The following SETMAR variants were observed in gnomAD, a reference collection of about 807,000 sequenced individuals.
SETMAR encodes the protein SET and mariner transposase domain methyltransferase, also known as histone-lysine N-methyltransferase SETMAR.
SETMAR carries 44 observed loss-of-function variants against 58.4 expected under a neutral mutation model. That is an observed-to-expected ratio of 0.75 (90% CI 0.59 to 0.97). The LOEUF (loss-of-function observed/expected upper bound fraction) is 0.97. Among genes scored for constraint, SETMAR ranks in the 50% least tolerant of loss-of-function variants. The pLI is 0.00. For missense variants in SETMAR, 903 were observed against 840.2 expected (o/e 1.07, Z -0.92); for synonymous variants, 332 against 307.4 (o/e 1.08, Z -0.84).
chr3:4,306,471 T>C (rs1005646479), intron 1 of SETMAR, among the ~76,000 whole-genome samples: 3 of 152,162 alleles, frequency 2.0e-5, no homozygotes, highest in African/African-American at 7.2e-5. Flanking sequence ...TGGGCATAAA[T>C]GAAAATTGGG....
At chr3:4,313,926 T>A in intron 2 of SETMAR, 165 bp downstream of exon 2, 1 of 1,256,540 alleles carries the variant, frequency 8.0e-7, no homozygotes, top group Non-Finnish European at 1.1e-6. Flanking sequence ...ATTCTCCATT[T>A]AACAAAAGTA....
At position 4,313,540 on chromosome 3, in the gene SETMAR, C is replaced by T. The variant is rs1433937746; in HGVS notation, c.799C>T (p.Leu267Phe). 15 of 1,613,880 alleles carry T rather than the reference C, an allele frequency of 9.3e-6. No individual in the cohort carries two copies. The highest frequency in any genetic ancestry group is 1.3e-5 in the Non-Finnish European group (15 of 1,179,960). Residue 267 changes from leucine (L) to phenylalanine (F), a missense_variant, in exon 2 of 3, where the codon CTT becomes TTT. By Grantham distance (22) the Leu-to-Phe change is conservative (BLOSUM62 0). Coordinates refer to ENST00000358065, the MANE Select transcript of SETMAR (RefSeq NM_006515.4). ...CTCTTATGATTATTCAGGAAGATAT[C>T]TTAATCTAACAGTCAGTGAAGACAA... ...ELSYDYSGRY[L>F]NLTVSEDKER...
chr3:4,316,209 T>C lies in SETMAR; in HGVS notation c.1021-3T>C, dbSNP rs1426748111. Reference sequence around the variant, plus strand: ...TCTTACTTGCTGTTTATGTTTATTTTAGACTATGAAAATGATGTTAGACAA... The same window carrying C: ...TCTTACTTGCTGTTTATGTTTATTTCAGACTATGAAAATGATGTTAGACAA... On this transcript the variant is annotated splice_region_variant and splice_polypyrimidine_tract_variant and intron_variant, in intron 2 of 2. Transcript: ENST00000358065. 1 of 693,536 alleles carries C rather than the reference T, an allele frequency of 1.4e-6. No homozygotes were observed. 43.0% of individuals were successfully genotyped at this position (693,536 alleles called of 1,614,324 possible). A position where few individuals can be genotyped will look rare whatever the true frequency, so the allele number is the denominator to read the frequency against.
In SETMAR at chr3:4,313,317, C is replaced by T. The variant is rs760457683; in HGVS notation, c.576C>T (p.Tyr192=). ...TACAAACAAAATCCGACTCCAATTA[C>T]ATTATAGCCATCAGGGAACATGTTT... ...IHLQTKSDSN[Y]IIAIREHVYN... Residue 192 remains tyrosine (Y), a synonymous_variant, in exon 2 of 3, where the codon TAC becomes TAT. Transcript: ENST00000358065. 5.0e-6 allele frequency: 8 copies of T among 1,613,918 alleles called. No individual in the cohort carries two copies. In the Admixed American group the frequency reaches 6.7e-5, roughly 13 times the overall value.
chr3:4,316,759 A>T lies in SETMAR; in HGVS notation c.1568A>T (p.Lys523Met). 1 of 1,550,834 alleles carries T rather than the reference A, an allele frequency of 6.4e-7. No individual in the cohort carries two copies. Among genetic ancestry groups the T allele is most frequent in the Non-Finnish European group, 8.7e-7 (1 of 1,146,754 alleles). The change falls in exon 3 of 3, where the codon AAG (lysine) becomes ATG (methionine). Residue 523 changes from lysine to methionine, a missense_variant. Lys to Met is a moderately conservative substitution (Grantham distance 95). Coordinates refer to ENST00000358065, the MANE Select transcript of SETMAR (RefSeq NM_006515.4). ...DQEEAPKHFP[K>M]PILHPKKVMV... ...GAAGAAGCTCCAAAGCACTTCCCAA[A>T]GCCAATCTTGCACCCAAAAAAGGTC...
chr3:4,309,035 A>T (rs1322988671), intron 1 of SETMAR, among the ~76,000 whole-genome samples: 1 of 152,198 alleles, frequency 6.6e-6, no homozygotes, highest in African/African-American at 2.4e-5. Flanking sequence ...GTCCAGAAAG[A>T]CAGGACAGTT....
chr3:4,316,225 T>C lies in SETMAR; in HGVS notation c.1034T>C (p.Met345Thr), dbSNP rs763709876. The C allele has an allele frequency of 1.4e-6, 1 of 707,982 alleles. No homozygotes were observed. Among genetic ancestry groups the C allele is most frequent in the South Asian group, 1.5e-5 (1 of 67,002 alleles). The allele number at this position is 707,982 out of a possible 1,614,324, so 43.9% of individuals were successfully genotyped here. A position where few individuals can be genotyped will look rare whatever the true frequency, so the allele number is the denominator to read the frequency against. ...KRLTLETMKMMLDKKQIRAIF... is the reference protein window; with the variant it reads ...KRLTLETMKMTLDKKQIRAIF... Reference sequence around the variant, plus strand: ...TGTTTATTTTAGACTATGAAAATGATGTTAGACAAAAAGCAAATTCGAGCA... The same window carrying C: ...TGTTTATTTTAGACTATGAAAATGACGTTAGACAAAAAGCAAATTCGAGCA... The change falls in exon 3 of 3, where the codon ATG (methionine) becomes ACG (threonine). Residue 345 changes from methionine to threonine, a missense_variant. Physicochemically the swap from Met to Thr is moderately conservative, Grantham distance 81 (BLOSUM62 -1). Coordinates refer to ENST00000358065, the MANE Select transcript of SETMAR (RefSeq NM_006515.4).
At position 4,316,755 on chromosome 3, in the gene SETMAR, C is replaced by G. The variant is rs1175557666; in HGVS notation, c.1564C>G (p.Pro522Ala). 2 of 1,550,616 alleles carry G rather than the reference C, an allele frequency of 1.3e-6. No individual in the cohort carries two copies. The highest frequency in any genetic ancestry group is 2.4e-5 in the East Asian group (1 of 40,922). The change falls in exon 3 of 3, where the codon CCA becomes GCA. Residue 522 changes from proline to alanine, a missense_variant. By Grantham distance (27) the Pro-to-Ala change is conservative. Coordinates refer to ENST00000358065, the MANE Select transcript of SETMAR (RefSeq NM_006515.4). Reference sequence around the variant, plus strand: ...TCAAGAAGAAGCTCCAAAGCACTTCCCAAAGCCAATCTTGCACCCAAAAAA... The same window carrying G: ...TCAAGAAGAAGCTCCAAAGCACTTCGCAAAGCCAATCTTGCACCCAAAAAA... ...LDQEEAPKHFPKPILHPKKVM... is the reference protein window; with the variant it reads ...LDQEEAPKHFAKPILHPKKVM...
chr3:4,307,744 T>A (rs1698246373), intron 1 of SETMAR, among the ~76,000 whole-genome samples: 1 of 152,142 alleles, frequency 6.6e-6, no homozygotes, highest in African/African-American at 2.4e-5. Context: ...GCAGGAAATT[T>A]AAAAAATCCC....
Position 4,316,349 on chromosome 3 carries a change from G to GCA in SETMAR, c.1159_1160dup (p.Gln387HisfsTer32). 1.4e-6 allele frequency: 2 copies of GCA among 1,475,146 alleles called. No individual in the cohort carries two copies. Among genetic ancestry groups the GCA allele is most frequent in the Non-Finnish European group, 1.8e-6 (2 of 1,084,062 alleles). The allele number at this position is 1,475,146 out of a possible 1,614,324, so 91.4% of individuals were successfully genotyped here. On this transcript the variant is annotated frameshift_variant, in exon 3 of 3. Coordinates refer to ENST00000358065, the MANE Select transcript of SETMAR (RefSeq NM_006515.4). LOFTEE classifies it high-confidence loss of function. ...CAGGAACTGCTAACGAACGTACAGT[G>GCA]CAGTGGTGGTTCAAGAAGTTTTGCA...
In SETMAR at chr3:4,316,967, G is replaced by T. The variant is rs60019211; in HGVS notation, c.1776G>T (p.Pro592=). Residue 592 remains proline (P), a synonymous_variant, in exon 3 of 3, where the codon CCG becomes CCT. Transcript: ENST00000358065. ...GPILLHDNAR[P]HVAQPTLQKL... ...TTCTTCTCCACGACAATGCCCGACCGCATGTTGCACAACCCACACTTCAAA... is the reference window on the plus strand; with the variant it reads ...TTCTTCTCCACGACAATGCCCGACCTCATGTTGCACAACCCACACTTCAAA... 1.3e-6 allele frequency: 2 copies of T among 1,549,384 alleles called. No individual in the cohort carries two copies. Among genetic ancestry groups the T allele is most frequent in the Admixed American group, 3.9e-5 (2 of 50,988 alleles).
intron 1 of SETMAR, among the ~76,000 whole-genome samples, chr3:4,311,477 A>G (rs1180776697): frequency 1.3e-5 from 2 of 152,228 alleles, no homozygotes; most frequent in African/African-American, 4.8e-5. Context: ...GGGGACCAGA[A>G]TAAAAAACAG....
In SETMAR at chr3:4,313,868, A is replaced by G. The variant is rs770108257; in HGVS notation, c.1020+107A>G. 23 of 1,540,164 alleles carry G rather than the reference A, an allele frequency of 1.5e-5. No individual in the cohort carries two copies. In the East Asian group the frequency reaches 5.0e-4, roughly 33 times the overall value. On this transcript the variant is annotated intron_variant, in intron 2 of 2. Transcript: ENST00000358065. ...CATAAGTTTAACTCAGGAATGTGGC[A>G]GAGACTGCAAGTTGTCCATCAGTAT...
intron 1 of SETMAR, among the ~76,000 whole-genome samples, 158 bp from the exon 2 acceptor site, chr3:4,312,740 G>T (rs937386802): frequency 1.4e-4 from 21 of 150,056 alleles, no homozygotes; most frequent in Admixed American, 4.0e-4. Flanking sequence ...ATTGAAGAGA[G>T]ATGTTTTTGG....
chr3:4,310,933 G>A (rs540109038), intron 1 of SETMAR, among the ~76,000 whole-genome samples: 1 of 152,248 alleles, frequency 6.6e-6, no homozygotes, highest in Admixed American at 6.5e-5. Context: ...ATTTACATTT[G>A]AACACTGAAC....
chr3:4,305,594 T>G (rs1169321405), intron 1 of SETMAR, among the ~76,000 whole-genome samples: 1 of 152,208 alleles, frequency 6.6e-6, no homozygotes, highest in Admixed American at 6.5e-5. Flanking sequence ...CCAGGGCAAT[T>G]TCAAGATATG....
At chr3:4,307,051 G>A (rs1698216781) in intron 1 of SETMAR, among the ~76,000 whole-genome samples, 1 of 152,184 alleles carries the variant, frequency 6.6e-6, no homozygotes, top group African/African-American at 2.4e-5. Flanking sequence ...TAGCTGCTTG[G>A]AGGAAAAACA....
In SETMAR at chr3:4,313,051, G is replaced by A. The variant is rs754790086; in HGVS notation, c.310G>A (p.Asp104Asn). 1.2e-6 allele frequency: 2 copies of A among 1,613,942 alleles called. No homozygotes were observed. Among genetic ancestry groups the A allele is most frequent in the Non-Finnish European group, 1.7e-6 (2 of 1,179,932 alleles). Residue 104 changes from aspartate (D) to asparagine (N), a missense_variant, in exon 2 of 3, where the codon GAT becomes AAT. Physicochemically the swap from Asp to Asn is conservative, Grantham distance 23. Coordinates refer to ENST00000358065, the MANE Select transcript of SETMAR (RefSeq NM_006515.4). ...ENYDDNSCLRDIGSGGKYAEP... is the reference protein window; with the variant it reads ...ENYDDNSCLRNIGSGGKYAEP... ...CTATGATGATAACTCATGCCTTAGA[G>A]ATATAGGATCTGGAGGAAAGTATGC...
In SETMAR at chr3:4,303,880, C is replaced by T. The variant is rs147235582; in HGVS notation, c.156+354C>T. The T allele has an allele frequency of 3.9e-5, 50 of 1,274,894 alleles. 2 individuals are homozygous for T. The Middle Eastern group carries it at 1.2e-3, about 29-fold the overall frequency. 79.0% of individuals were successfully genotyped at this position (1,274,894 alleles called of 1,614,324 possible). On this transcript the variant is annotated intron_variant, in intron 1 of 2. Coordinates refer to ENST00000358065, the MANE Select transcript of SETMAR (RefSeq NM_006515.4). ...GGTGTCTCTCACAGGTAGGATAAGC[C>T]GTGGGGCCTATTAATGGATCGCAGC...
Sources: gnomAD v4.1 joint callset for allele counts (sites outside exome capture counted in the v4.1 genomes callset) on GRCh38, gnomAD v4.1.1 for gene constraint, MANE v1.5 for transcripts, NCBI Gene and HGNC (gene_info 2026-07-23, HGNC 2026-07-21) for gene names.